C11orf65: variants seen among roughly 807,000 people sequenced by gnomAD.
The protein encoded by C11orf65 is protein MFI.
Under a neutral mutation model 35.3 loss-of-function variants are expected in C11orf65, and 38 were observed. That is an observed-to-expected ratio of 1.08 (90% CI 0.83 to 1.41). The LOEUF (loss-of-function observed/expected upper bound fraction) is 1.41. Ranked by LOEUF, C11orf65 falls within the 40% of genes most tolerant of loss-of-function variation. The pLI is 0.00. For missense variants in C11orf65, 370 were observed against 367.1 expected (o/e 1.01, Z -0.06); for synonymous variants, 105 against 114.4 (o/e 0.92, Z 0.53).
intron 2 of C11orf65, among the ~76,000 whole-genome samples, chr11:108,349,727 T>C (rs2088950479): frequency 6.6e-6 from 1 of 152,166 alleles, no homozygotes; most frequent in Admixed American, 6.6e-5. Context: ...GCAGAGAAAT[T>C]TGCTGCAGGA....
intron 3 of C11orf65, among the ~76,000 whole-genome samples, chr11:108,419,181 T>G (rs1163966227): frequency 6.6e-6 from 1 of 152,128 alleles, no homozygotes; most frequent in Non-Finnish European, 1.5e-5. Flanking sequence ...AGACAGTAAA[T>G]TAGACGTTCT....
chr11:108,436,565 T>A (rs781015901), intron 2 of C11orf65, among the ~76,000 whole-genome samples: 2 of 152,214 alleles, frequency 1.3e-5, no homozygotes, highest in Non-Finnish European at 2.9e-5. Flanking sequence ...TTAAAAGGGA[T>A]TTGTATGGAT....
intron 2 of C11orf65, among the ~76,000 whole-genome samples, chr11:108,337,141 TA>T (rs1481363893): frequency 2.0e-5 from 3 of 152,176 alleles, no homozygotes; most frequent in Non-Finnish European, 4.4e-5. Context: ...TAGGCTATTG[TA>T]ATAAAAAGCA....
chr11:108,320,141 G>A (rs2085098058), intron 6 of C11orf65: 1 of 1,079,004 alleles, frequency 9.3e-7, no homozygotes, highest in Non-Finnish European at 1.4e-6. Flanking sequence ...CAATTTTAAT[G>A]TAAGGATTTG....
intron 6 of C11orf65, chr11:108,320,143 A>G: frequency 9.5e-7 from 1 of 1,053,086 alleles, no homozygotes; most frequent in Non-Finnish European, 1.5e-6. Context: ...ATTTTAATGT[A>G]AGGATTTGCA....
chr11:108,355,070 C>T, intron 2 of C11orf65: 1 of 583,918 alleles, frequency 1.7e-6, no homozygotes. Context: ...CCTTCAGCCC[C>T]CTTGAGTTTC....
At chr11:108,381,807 T>C (rs1226681799), downstream of C11orf65, among the ~76,000 whole-genome samples, 1 of 152,248 alleles carries the variant, frequency 6.6e-6, no homozygotes, top group Non-Finnish European at 1.5e-5. Flanking sequence ...TTTTAAGAGA[T>C]AGAGCTTAAT....
downstream of C11orf65, chr11:108,327,575 G>A (rs879167446): frequency 2.0e-5 from 26 of 1,291,970 alleles, no homozygotes; most frequent in Admixed American, 1.1e-4. Flanking sequence ...TTTTTTCCCC[G>A]TACATGAAGG....
chr11:108,415,611 T>C (rs1310626006), intron 3 of C11orf65, among the ~76,000 whole-genome samples: 2 of 152,180 alleles, frequency 1.3e-5, no homozygotes, highest in Non-Finnish European at 2.9e-5. Flanking sequence ...ACAAACTGAT[T>C]ATAAATTTTA....
At position 108,385,881 on chromosome 11, in the gene C11orf65, A is replaced by G. The variant is rs180746518; in HGVS notation, c.787+39T>C. 209 of 1,551,628 alleles carry G rather than the reference A, an allele frequency of 1.3e-4. No individual in the cohort carries two copies. In the African/African-American group the frequency reaches 2.5e-3, roughly 19 times the overall value. ...CGTGTGTGGAATGTATTTTTTGTTC[A>G]TGAGAATTTCCTATAAAGTACTGCT... On this transcript the variant is annotated intron_variant, in intron 8 of 8. Coordinates refer to ENST00000393084, the MANE Select transcript of C11orf65 (RefSeq NM_152587.5).
intron 2 of C11orf65, among the ~76,000 whole-genome samples, chr11:108,352,135 A>G (rs1161314935): frequency 6.6e-6 from 1 of 152,246 alleles, no homozygotes; most frequent in African/African-American, 2.4e-5. Context: ...GCATACCTGG[A>G]ACCAGGAAAA....
chr11:108,423,464 G>A (rs1026322786), intron 3 of C11orf65, among the ~76,000 whole-genome samples: 1 of 152,276 alleles, frequency 6.6e-6, no homozygotes, highest in South Asian at 2.1e-4. Context: ...CTGGGGGAAG[G>A]GGTGGCTGTG....
At chr11:108,314,740 T>C (rs909126432) in intron 6 of C11orf65, among the ~76,000 whole-genome samples, 1 of 152,188 alleles carries the variant, frequency 6.6e-6, no homozygotes, top group Non-Finnish European at 1.5e-5. Context: ...CTACCGATGA[T>C]ATAAACAACA....
At chr11:108,422,498 A>C (rs936513492) in intron 3 of C11orf65, among the ~76,000 whole-genome samples, 1 of 152,210 alleles carries the variant, frequency 6.6e-6, no homozygotes, top group African/African-American at 2.4e-5. Context: ...TGATTTAATT[A>C]TTTTAAAGGT....
At chr11:108,404,970 G>A (rs965665124) in intron 6 of C11orf65, among the ~76,000 whole-genome samples, 1 of 152,170 alleles carries the variant, frequency 6.6e-6, no homozygotes, top group African/African-American at 2.4e-5. Context: ...GGCCGAAGGC[G>A]GCCTGGTCCC....
chr11:108,345,972 G>C (rs2137043991), intron 2 of C11orf65: 1 of 1,585,876 alleles, frequency 6.3e-7, no homozygotes, highest in Non-Finnish European at 8.6e-7. Flanking sequence ...ATTTTTGTTT[G>C]ATTCAGCACT....
At chr11:108,318,200 A>G (rs2084913860) in intron 6 of C11orf65, among the ~76,000 whole-genome samples, 1 of 151,920 alleles carries the variant, frequency 6.6e-6, no homozygotes, top group Non-Finnish European at 1.5e-5. Flanking sequence ...TTTCTCTACT[A>G]AAATACAAAA....
chr11:108,365,345 A>G lies in C11orf65; in HGVS notation c.226+27863T>C, dbSNP rs144636562. On this transcript the variant is annotated intron_variant, in intron 2 of 3. Coordinates refer to the C11orf65 transcript ENST00000524755. ...CTTAGTGATATTGACCAGAGTTTCAACAAAGTAGCTGAACGTGTCTTAATG... is the reference window on the plus strand; with the variant it reads ...CTTAGTGATATTGACCAGAGTTTCAGCAAAGTAGCTGAACGTGTCTTAATG... 3 of 1,614,206 alleles carry G rather than the reference A, an allele frequency of 1.9e-6. No individual in the cohort carries two copies. Among genetic ancestry groups the G allele is most frequent in the Non-Finnish European group, 1.7e-6 (2 of 1,180,022 alleles).
rs1258404765 is a variant in C11orf65, at chr11:108,407,760, G to GT, written c.175-612dup. On this transcript the variant is annotated intron_variant, in intron 3 of 8. Transcript: ENST00000393084. ...GAGATCGAGACCACGGTGAAACCCC[G>GT]TCTCTACTAAAAATACAAAAAATTA... Among the ~76,000 whole-genome samples, 18 of 150,572 alleles carry GT rather than the reference G, an allele frequency of 1.2e-4. 2 individuals are homozygous for GT. In the South Asian group the frequency reaches 3.1e-3, roughly 26 times the overall value.
Sources: allele counts gnomAD v4.1 joint callset (sites outside exome capture counted in the v4.1 genomes callset), GRCh38; gene constraint gnomAD v4.1.1; transcripts MANE v1.5; gene names NCBI Gene and HGNC (gene_info 2026-07-23, HGNC 2026-07-21).